UVRAG: variants seen among roughly 807,000 people sequenced by gnomAD.
The protein encoded by UVRAG is UV radiation resistance-associated gene protein.
UVRAG carries 19 observed loss-of-function variants against 78.0 expected under a neutral mutation model. The ratio of observed to expected loss-of-function variants is 0.24; its 90% CI spans 0.17 to 0.36. The LOEUF is 0.36. Among genes scored for constraint, UVRAG ranks in the 10% least tolerant of loss-of-function variants. The probability of loss-of-function intolerance (pLI) is 1.00; values close to 1 mark genes in which losing one functional copy is unlikely to be tolerated. For missense variants in UVRAG, 740 were observed against 853.8 expected (o/e 0.87, Z 1.66); for synonymous variants, 323 against 324.6 (o/e 1.00, Z 0.05).
chr11:75,975,119 C>T (rs1440860758), intron 7 of UVRAG, among the ~76,000 whole-genome samples: 1 of 152,128 alleles, frequency 6.6e-6, no homozygotes, highest in Non-Finnish European at 1.5e-5. Flanking sequence ...TTCCCAGCAC[C>T]ATTTATTAAA....
chr11:75,988,440 G>A (rs1435877021), intron 8 of UVRAG, among the ~76,000 whole-genome samples: 1 of 152,166 alleles, frequency 6.6e-6, no homozygotes, highest in African/African-American at 2.4e-5. Flanking sequence ...TATGTGTCAG[G>A]AATTCATCTT....
At chr11:75,838,452 C>G (rs1945833307) in intron 1 of UVRAG, among the ~76,000 whole-genome samples, 1 of 151,984 alleles carries the variant, frequency 6.6e-6, no homozygotes. Flanking sequence ...ATCCTCCCAC[C>G]TCAGCCTCCC....
chr11:75,960,448 G>A (rs1024291499), intron 6 of UVRAG, among the ~76,000 whole-genome samples: 1 of 152,254 alleles, frequency 6.6e-6, no homozygotes, highest in East Asian at 1.9e-4. Context: ...GTATGGAAAT[G>A]TATAAGAAAT....
intron 6 of UVRAG, among the ~76,000 whole-genome samples, chr11:75,949,692 CATATATAT>C (rs35234096): frequency 1.1e-4 from 16 of 140,158 alleles, no homozygotes; most frequent in South Asian, 6.8e-4. Context: ...CAATAAAATA[CATATATAT>C]ATATATATAT....
chr11:75,995,384 G>A (rs1232688037), intron 8 of UVRAG, among the ~76,000 whole-genome samples: 1 of 151,236 alleles, frequency 6.6e-6, no homozygotes, highest in African/African-American at 2.4e-5. Context: ...AGATTTCATT[G>A]CTCAGATTTG....
intron 11 of UVRAG, among the ~76,000 whole-genome samples, chr11:76,011,177 G>A (rs1183249019): frequency 6.6e-6 from 1 of 152,118 alleles, no homozygotes; most frequent in Non-Finnish European, 1.5e-5. Context: ...TAATAAATTA[G>A]TGTAGCTTTT....
At chr11:76,049,008 A>G (rs954298788) in intron 12 of UVRAG, among the ~76,000 whole-genome samples, 5 of 152,244 alleles carry the variant, frequency 3.3e-5, no homozygotes, top group African/African-American at 1.2e-4. Flanking sequence ...GCACAGTATC[A>G]TATCTTATAT....
chr11:76,076,644 T>G (rs1285251542), intron 13 of UVRAG, among the ~76,000 whole-genome samples: 1 of 152,182 alleles, frequency 6.6e-6, no homozygotes, highest in African/African-American at 2.4e-5. Context: ...TCTTTTTTAT[T>G]ATAGCCATCC....
At chr11:76,045,806 C>CA (rs1318776843) in intron 12 of UVRAG, among the ~76,000 whole-genome samples, 1 of 148,998 alleles carries the variant, frequency 6.7e-6, no homozygotes. Flanking sequence ...GCAGTGAGTA[C>CA]AAAAAAGAAA....
intron 13 of UVRAG, among the ~76,000 whole-genome samples, chr11:76,087,065 A>G (rs1057367194): frequency 6.6e-6 from 1 of 152,242 alleles, no homozygotes; most frequent in Admixed American, 6.5e-5. Flanking sequence ...AACCCACTGC[A>G]TCAACTTCAC....
chr11:75,868,049 C>T (rs569519441), intron 3 of UVRAG, among the ~76,000 whole-genome samples: 8 of 152,236 alleles, frequency 5.3e-5, no homozygotes, highest in South Asian at 2.1e-4. Flanking sequence ...TGAAAAAATA[C>T]GCACGTTAGA....
At chr11:76,054,027 T>C (rs1326717825) in intron 12 of UVRAG, among the ~76,000 whole-genome samples, 3 of 152,100 alleles carry the variant, frequency 2.0e-5, no homozygotes, top group Non-Finnish European at 2.9e-5. Context: ...CAGTATAGGT[T>C]TGGTTTTCTT....
chr11:75,956,544 C>A (rs1948804353), intron 6 of UVRAG, among the ~76,000 whole-genome samples: 1 of 152,066 alleles, frequency 6.6e-6, no homozygotes, highest in Non-Finnish European at 1.5e-5. Flanking sequence ...TGCCACCATG[C>A]CTGGCTAACT....
intron 1 of UVRAG, among the ~76,000 whole-genome samples, chr11:75,827,343 G>A (rs1945537139): frequency 6.6e-6 from 1 of 152,108 alleles, no homozygotes; most frequent in Non-Finnish European, 1.5e-5. Flanking sequence ...GGGGCGCGGT[G>A]GCTCATACCT....
At chr11:75,828,483 G>T (rs76960886) in intron 1 of UVRAG, among the ~76,000 whole-genome samples, 5,401 of 147,504 alleles carry the variant, frequency 0.037, 325 homozygotes, top group African/African-American at 0.12. Context: ...TGATGATGAT[G>T]ATAATGATTA....
At chr11:76,115,834 A>G in intron 13 of UVRAG, 90 bp from the exon 14 acceptor site, 1 of 1,127,488 alleles carries the variant, frequency 8.9e-7, no homozygotes, top group South Asian at 1.3e-5. Flanking sequence ...CCTCTTTTAG[A>G]GTTCAAAAAA....
chr11:76,050,823 T>TA (rs1950851168), intron 12 of UVRAG, among the ~76,000 whole-genome samples: 1 of 152,202 alleles, frequency 6.6e-6, no homozygotes, highest in Non-Finnish European at 1.5e-5. Context: ...AGATTGCTAT[T>TA]ATTAAACCTA....
chr11:75,870,869 T>G (rs1401332603), intron 3 of UVRAG, among the ~76,000 whole-genome samples: 1 of 150,654 alleles, frequency 6.6e-6, no homozygotes, highest in Non-Finnish European at 1.5e-5. Context: ...TTCTTTGCTT[T>G]ATTTTATTTT....
At chr11:76,032,928 ATTAAAC>A (rs1353342829) in intron 12 of UVRAG, among the ~76,000 whole-genome samples, 1 of 152,236 alleles carries the variant, frequency 6.6e-6, no homozygotes, top group Non-Finnish European at 1.5e-5. Flanking sequence ...CTAAGTATAA[ATTAAAC>A]TTACCTTCAA....
Sources: allele counts gnomAD v4.1 joint callset (sites outside exome capture counted in the v4.1 genomes callset), GRCh38; gene constraint gnomAD v4.1.1; transcripts MANE v1.5; gene names NCBI Gene and HGNC (gene_info 2026-07-23, HGNC 2026-07-21).